The following PAK1IP1 variants were observed in gnomAD, a reference collection of about 807,000 sequenced individuals.
PAK1IP1 encodes PAK1 interacting protein 1.
PAK1IP1 carries 24 observed loss-of-function variants against 42.0 expected under a neutral mutation model. The observed-to-expected ratio is 0.57, with a 90% confidence interval of 0.41 to 0.80. The LOEUF is 0.80. PAK1IP1 is among the 30% of genes least tolerant of loss of function. The pLI is 0.00. For synonymous variants in PAK1IP1, 154 were observed against 156.7 expected (o/e 0.98, Z 0.13); for missense variants, 411 against 467.9 (o/e 0.88, Z 1.12).
chr6:10,701,559 A>G (rs545236463), intron 2 of PAK1IP1, among the ~76,000 whole-genome samples: 1 of 152,348 alleles, frequency 6.6e-6, no homozygotes, highest in South Asian at 2.1e-4. Context: ...AACTTTCCAA[A>G]GTGAGAAATA....
intron 2 of PAK1IP1, among the ~76,000 whole-genome samples, chr6:10,700,680 C>T (rs1039348557): frequency 1.1e-4 from 16 of 152,286 alleles, no homozygotes; most frequent in African/African-American, 3.9e-4. Flanking sequence ...TAAATTTGAT[C>T]TGCCCAAACC....
upstream of PAK1IP1, chr6:10,694,954 C>T (rs1222244560): frequency 4.0e-6 from 6 of 1,496,198 alleles, no homozygotes; most frequent in Non-Finnish European, 5.5e-6. Flanking sequence ...CAGGCTGAGC[C>T]GGGCTGGCGG....
intron 2 of PAK1IP1, among the ~76,000 whole-genome samples, chr6:10,699,940 C>T (rs1226428385): frequency 6.6e-6 from 1 of 152,094 alleles, no homozygotes; most frequent in Non-Finnish European, 1.5e-5. Flanking sequence ...AGGACTGGCT[C>T]TCTGTTGCTG....
upstream of PAK1IP1, among the ~76,000 whole-genome samples, chr6:10,692,443 G>A (rs1238822537): frequency 1.3e-5 from 2 of 152,096 alleles, no homozygotes; most frequent in African/African-American, 4.8e-5. Context: ...ACAAAGTAAA[G>A]AAAGAATGAC....
intron 2 of PAK1IP1, among the ~76,000 whole-genome samples, chr6:10,697,981 G>A (rs1769907787): frequency 1.3e-5 from 2 of 152,118 alleles, no homozygotes; most frequent in Admixed American, 1.3e-4. Context: ...TCAGAGTGAG[G>A]TTTTCACTGA....
intron 2 of PAK1IP1, among the ~76,000 whole-genome samples, chr6:10,699,943 T>TGTTGCTGTGTCCTCATGGTAGAAG (rs1769974645): frequency 6.6e-6 from 1 of 152,202 alleles, no homozygotes; most frequent in Non-Finnish European, 1.5e-5. Context: ...ACTGGCTCTC[T>TGTTGCTGTGTCCTCATGGTAGAAG]GTTGCTGTGT....
intron 1 of PAK1IP1, 28 bp from the exon 2 acceptor site, chr6:10,697,296 A>G (rs376993007): frequency 2.5e-6 from 4 of 1,602,384 alleles, no homozygotes; most frequent in African/African-American, 1.3e-5. Flanking sequence ...TGTGACTGGC[A>G]TTAATTGTAT....
chr6:10,702,751 T>C, intron 4 of PAK1IP1, 112 bp downstream of exon 4: 1 of 695,900 alleles, frequency 1.4e-6, no homozygotes, highest in South Asian at 1.6e-5. Flanking sequence ...GTGAACCTTT[T>C]CATAGTGGTT....
chr6:10,704,839 A>G lies in PAK1IP1; in HGVS notation c.735A>G (p.Glu245=). The part of the protein sequence containing the change: ...LVCLCEFKAH[E]NRVKDMFSFE... ...GCCTCTGCGAATTTAAAGCTCATGA[A>G]AACAGGTATTTTTACCAATCTTTGG... The change falls in exon 7 of 10, where the codon GAA becomes GAG. Residue 245 remains glutamate, a synonymous_variant. Transcript: ENST00000379568. The G allele has an allele frequency of 6.3e-7, 1 of 1,597,968 alleles. No individual in the cohort carries two copies. The highest frequency in any genetic ancestry group is 1.7e-5 in the Admixed American group (1 of 59,998).
At chr6:10,697,607 T>C (rs542115858) in intron 2 of PAK1IP1, 121 bp downstream of exon 2, 1 of 773,984 alleles carries the variant, frequency 1.3e-6, no homozygotes, top group East Asian at 2.9e-5. Context: ...AGAGGAATTT[T>C]AAAAAAAAAT....
At chr6:10,704,970 C>T in intron 7 of PAK1IP1, 126 bp downstream of exon 7, 1 of 682,456 alleles carries the variant, frequency 1.5e-6, no homozygotes, top group Non-Finnish European at 2.6e-6. Flanking sequence ...TCTACATGTA[C>T]AGTATATGGT....
intron 2 of PAK1IP1, among the ~76,000 whole-genome samples, chr6:10,699,814 T>G (rs555261652): frequency 2.0e-4 from 30 of 152,282 alleles, no homozygotes; most frequent in African/African-American, 6.7e-4. Context: ...TTATTCAGAC[T>G]GCTATAACAA....
In PAK1IP1 at chr6:10,707,416, G is replaced by T. The variant is rs1389597755; in HGVS notation, c.742G>T (p.Val248Leu). ...ATGGTGTTAATATTTCTATCCTAGG[G>T]TAAAGGACATGTTCAGTTTTGAAAT... ...LCEFKAHENR[V>L]KDMFSFEIPE... Residue 248 changes from valine (V) to leucine (L), a missense_variant and splice_region_variant, in exon 8 of 10, where the codon GTA (valine) becomes TTA (leucine). Physicochemically the swap from Val to Leu is conservative, Grantham distance 32. Transcript: ENST00000379568. The T allele has an allele frequency of 5.2e-6, 8 of 1,539,164 alleles. No individual in the cohort carries two copies. Among genetic ancestry groups the T allele is most frequent in the Non-Finnish European group, 6.3e-6 (7 of 1,111,788 alleles).
chr6:10,696,045 G>A (rs543433611), intron 1 of PAK1IP1, among the ~76,000 whole-genome samples: 1 of 152,182 alleles, frequency 6.6e-6, no homozygotes, highest in Non-Finnish European at 1.5e-5. Context: ...GGAGGATGCA[G>A]TTATTCTCGT....
At chr6:10,706,104 G>A (rs1043915310) in intron 7 of PAK1IP1, among the ~76,000 whole-genome samples, 4 of 152,096 alleles carry the variant, frequency 2.6e-5, no homozygotes, top group Non-Finnish European at 5.9e-5. Context: ...TAGATTATAA[G>A]CAAGCAGATC....
At chr6:10,694,600 G>T, upstream of PAK1IP1, 7 of 173,890 alleles carry the variant, frequency 4.0e-5, no homozygotes, top group Admixed American at 1.2e-4. Context: ...CAGCCCCTAA[G>T]CAACCGGCCG....
chr6:10,699,651 G>T (rs1769966295), intron 2 of PAK1IP1, among the ~76,000 whole-genome samples: 1 of 152,154 alleles, frequency 6.6e-6, no homozygotes, highest in Non-Finnish European at 1.5e-5. Context: ...ACTCAGCCAA[G>T]AAAGTTGGTT....
rs112855894 is a variant in PAK1IP1, at chr6:10,703,471, T to C, written c.496+14T>C. The C allele has an allele frequency of 1.1e-3, 1,753 of 1,577,624 alleles. 20 individuals are homozygous for C. In the African/African-American group the frequency reaches 0.021, roughly 19 times the overall value. On this transcript the variant is annotated intron_variant, in intron 5 of 9. Coordinates refer to ENST00000379568, the MANE Select transcript of PAK1IP1 (RefSeq NM_017906.3). ...ATATAAAACAAAGTGAGTATTTTTG[T>C]TTGAAATGCAGGTTGAGCATTCCTA...
intron 2 of PAK1IP1, among the ~76,000 whole-genome samples, chr6:10,699,200 CAAAAAA>C (rs796680429): frequency 1.8e-5 from 1 of 55,404 alleles, no homozygotes; most frequent in Non-Finnish European, 4.5e-5. Context: ...GACTCTGTCT[CAAAAAA>C]AAAAAAAAAA....
Sources: gnomAD v4.1 joint callset for allele counts (sites outside exome capture counted in the v4.1 genomes callset) on GRCh38, gnomAD v4.1.1 for gene constraint, MANE v1.5 for transcripts, NCBI Gene and HGNC (gene_info 2026-07-23, HGNC 2026-07-21) for gene names.